The following FAT4 variants were observed in gnomAD, a reference collection of about 807,000 sequenced individuals.
FAT4 encodes protocadherin Fat 4.
Under a neutral mutation model 303.9 loss-of-function variants are expected in FAT4, and 84 were observed. The ratio of observed to expected loss-of-function variants is 0.28; its 90% CI spans 0.23 to 0.33. The LOEUF (loss-of-function observed/expected upper bound fraction) is 0.33, where lower values mean the gene tolerates loss of function less well. Ranked by LOEUF, FAT4 falls within the 10% of genes least tolerant of loss-of-function variation. The pLI, the probability that FAT4 is intolerant of heterozygous loss-of-function variation, is 1.00. For synonymous variants in FAT4, 2,307 were observed against 2,298.8 expected, an observed-to-expected ratio of 1.00 and a Z score of -0.10; for missense variants, 6,005 against 6,146.8, an observed-to-expected ratio of 0.98 and a Z score of 0.77.
At chr4:125,352,006 A>G (rs1732243748) in intron 2 of FAT4, among the ~76,000 whole-genome samples, 1 of 151,732 alleles carries the variant, frequency 6.6e-6, no homozygotes, top group South Asian at 2.1e-4. Context: ...TGGAATTTCA[A>G]TAAACAGTAG....
Position 125,316,668 on chromosome 4 carries a change from G to A in FAT4, c.257G>A (p.Ser86Asn). The A allele has an allele frequency of 1.2e-6, 2 of 1,613,610 alleles. No individual in the cohort carries two copies. The highest frequency in any genetic ancestry group is 1.7e-6 in the Non-Finnish European group (2 of 1,180,020). Residue 86 changes from serine (S) to asparagine (N), a missense_variant, in exon 2 of 18, where the codon AGC becomes AAC. Ser to Asn is a conservative substitution (Grantham distance 46). Transcript: ENST00000394329. The surrounding 1 kb of genome is among the most constrained non-coding windows in gnomAD (Gnocchi z 5.7). ...ESHALFAINS[S>N]TGALYTTSTI... Reference sequence around the variant, plus strand: ...CACGCCCTGTTTGCCATAAACAGTAGCACCGGAGCCCTGTACACCACCTCC... The same window carrying A: ...CACGCCCTGTTTGCCATAAACAGTAACACCGGAGCCCTGTACACCACCTCC...
intron 2 of FAT4, 119 bp from the exon 3 acceptor site, chr4:125,398,665 A>G (rs1734269888): frequency 2.2e-6 from 2 of 924,228 alleles, no homozygotes; most frequent in Admixed American, 4.3e-5. Context: ...TGGATGTTAG[A>G]TGCAAAGGTT....
intron 2 of FAT4, among the ~76,000 whole-genome samples, chr4:125,322,012 C>T (rs1369440295): frequency 6.6e-6 from 1 of 152,166 alleles, no homozygotes; most frequent in Non-Finnish European, 1.5e-5. Context: ...TGTACCATAG[C>T]TCTTCAGGAA....
chr4:125,340,415 G>C (rs1731741737), intron 2 of FAT4, among the ~76,000 whole-genome samples: 1 of 150,786 alleles, frequency 6.6e-6, no homozygotes, highest in East Asian at 2.0e-4. Flanking sequence ...ACGGAGCCTC[G>C]CTCTGTCGCC....
intron 7 of FAT4, among the ~76,000 whole-genome samples, chr4:125,427,623 A>T (rs1430265721): frequency 1.3e-5 from 2 of 152,114 alleles, no homozygotes; most frequent in Non-Finnish European, 2.9e-5. Context: ...CTAATATAGG[A>T]TGACTGAATT....
chr4:125,439,769 A>G (rs150060958), intron 8 of FAT4, among the ~76,000 whole-genome samples: 104 of 152,306 alleles, frequency 6.8e-4, no homozygotes, highest in Non-Finnish European at 1.2e-3. Flanking sequence ...GTAGATATCT[A>G]TATAAATGCT....
chr4:125,425,739 G>T (rs182291145), intron 7 of FAT4, among the ~76,000 whole-genome samples: 1 of 151,972 alleles, frequency 6.6e-6, no homozygotes, highest in Admixed American at 6.6e-5. Flanking sequence ...ATTAATCTGC[G>T]CACAAATTAA....
rs761187408 is a variant in FAT4, at chr4:125,491,438, A to G, written c.14622A>G (p.Gln4874=). 2 of 1,614,130 alleles carry G rather than the reference A, an allele frequency of 1.2e-6. No individual in the cohort carries two copies. Among genetic ancestry groups the G allele is most frequent in the South Asian group, 1.1e-5 (1 of 91,086 alleles). ...CTTCCAGAATGCCCAAATTATCTCAAGTCAATGAATCTGATGCAGATGATG... is the reference window on the plus strand; with the variant it reads ...CTTCCAGAATGCCCAAATTATCTCAGGTCAATGAATCTGATGCAGATGATG... ...VYTSRMPKLS[Q]VNESDADDED... Residue 4874 remains glutamine, a synonymous_variant, in exon 18 of 18, where the codon CAA becomes CAG. Transcript: ENST00000394329.
At position 125,479,882 on chromosome 4, in the gene FAT4, G is replaced by A. The variant is rs563419094; in HGVS notation, c.12604+17G>A. ...GTGAAAAATGTATGTAAGGTCTTCC[G>A]TCTTCCCCTGGAAATTTTAATAACT... On this transcript the variant is annotated intron_variant, in intron 15 of 17. Coordinates refer to ENST00000394329, the MANE Select transcript of FAT4 (RefSeq NM_001291303.3). 82 of 1,512,232 alleles carry A rather than the reference G, an allele frequency of 5.4e-5. No individual in the cohort carries two copies. The highest frequency in any genetic ancestry group is 1.5e-4 in the South Asian group (11 of 72,280). The allele number at this position is 1,512,232 out of a possible 1,614,324, so 93.7% of individuals were successfully genotyped here. A position where few individuals can be genotyped will look rare whatever the true frequency, so the allele number is the denominator to read the frequency against.
rs752555909 is a variant in FAT4 at position 125,489,956 on chromosome 4, C to A, written c.13140C>A (p.Phe4380Leu). ...SMWYGGESLP[F>L]SGKHSLASIS... ...GGTATGGTGGAGAAAGTCTTCCTTT[C>A]AGCGGGAAGCATAGCTTGGCCTCCA... is the stretch of plus-strand genomic sequence containing the variant. The change falls in exon 18 of 18, where the codon TTC (phenylalanine) becomes TTA (leucine). Residue 4380 changes from phenylalanine (F) to leucine (L), a missense_variant. Physicochemically the swap from Phe to Leu is conservative, Grantham distance 22. Coordinates refer to ENST00000394329, the MANE Select transcript of FAT4 (RefSeq NM_001291303.3). 6.3e-7 allele frequency: 1 copy of A among 1,580,744 alleles called. No homozygotes were observed. Among genetic ancestry groups the A allele is most frequent in the Non-Finnish European group, 8.6e-7 (1 of 1,164,210 alleles).
chr4:125,320,809 C>T lies in FAT4; in HGVS notation c.4398C>T (p.Gly1466=), dbSNP rs747319060. The part of the protein sequence containing the change: ...SYTIIQQMPR[G]NHFTIDEVKG... ...CAATCATTCAACAGATGCCAAGAGG[C>T]AACCACTTTACCATAGATGAAGTCA... The change falls in exon 2 of 18, where the codon GGC becomes GGT. Residue 1466 remains glycine, a synonymous_variant. Coordinates refer to ENST00000394329, the MANE Select transcript of FAT4 (RefSeq NM_001291303.3). The T allele has an allele frequency of 1.6e-5, 26 of 1,614,014 alleles. No homozygotes were observed. The highest frequency in any genetic ancestry group is 1.9e-5 in the Non-Finnish European group (23 of 1,179,862).
chr4:125,422,298 G>T (rs555604437), intron 7 of FAT4, among the ~76,000 whole-genome samples: 1 of 152,138 alleles, frequency 6.6e-6, no homozygotes, highest in African/African-American at 2.4e-5. Flanking sequence ...CTAATTTAAT[G>T]CACTTTATAA....
intron 2 of FAT4, among the ~76,000 whole-genome samples, chr4:125,373,262 A>C (rs1311523756): frequency 6.6e-6 from 1 of 152,104 alleles, no homozygotes; most frequent in African/African-American, 2.4e-5. Flanking sequence ...TCAAATCAGA[A>C]TTGCCATGAT....
chr4:125,396,926 GTATATATATATATATATATATA>G (rs66744105), intron 2 of FAT4, among the ~76,000 whole-genome samples: 1 of 143,912 alleles, frequency 6.9e-6, no homozygotes, highest in East Asian at 2.0e-4. Context: ...ATGTGTGTGT[GTATATATATATATATATATATA>G]TATATATATA....
intron 2 of FAT4, among the ~76,000 whole-genome samples, chr4:125,331,457 A>G (rs1731378850): frequency 1.3e-5 from 2 of 152,228 alleles, no homozygotes; most frequent in South Asian, 4.1e-4. Context: ...GTTTTCCTTC[A>G]TAAAAAGATA....
intron 8 of FAT4, among the ~76,000 whole-genome samples, chr4:125,440,610 T>TGTGTGTGTGTGAGAGAGAGAGA (rs372756130): frequency 5.3e-5 from 4 of 75,748 alleles, no homozygotes; most frequent in African/African-American, 1.2e-4. Context: ...TGTGTGTGTG[T>TGTGTGTGTGTGAGAGAGAGAGA]GAGAGAGAGA....
At position 125,449,676 on chromosome 4, in the gene FAT4, T is replaced by C. The variant is rs556173799; in HGVS notation, c.8666T>C (p.Ile2889Thr). Residue 2889 changes from isoleucine to threonine, a missense_variant, in exon 10 of 18, where the codon ATT becomes ACT. Physicochemically the swap from Ile to Thr is moderately conservative, Grantham distance 89 (BLOSUM62 -1). Coordinates refer to ENST00000394329, the MANE Select transcript of FAT4 (RefSeq NM_001291303.3). ...TTAGATTGCCCTGAACTTACTGAGA[T>C]TGGCTCCAAAGTAACTCAGGTATTT... Reference protein sequence around the residue: ...YYLDCPELTEIGSKVTQVFAT... With the variant: ...YYLDCPELTETGSKVTQVFAT... 1.9e-6 allele frequency: 3 copies of C among 1,613,984 alleles called. No individual in the cohort carries two copies. Among genetic ancestry groups the C allele is most frequent in the East Asian group, 2.2e-5 (1 of 44,860 alleles).
intron 2 of FAT4, among the ~76,000 whole-genome samples, chr4:125,391,668 G>T (rs1435498078): frequency 6.6e-6 from 1 of 151,762 alleles, no homozygotes; most frequent in South Asian, 2.1e-4. Context: ...TGTTTTAAAA[G>T]AAAAAAATAG....
intron 5 of FAT4, among the ~76,000 whole-genome samples, chr4:125,414,441 GTATT>G (rs768782318): frequency 1.3e-5 from 2 of 152,082 alleles, no homozygotes; most frequent in Non-Finnish European, 2.9e-5. Flanking sequence ...GAATTAATAA[GTATT>G]TATTGATTTT....
Sources: gnomAD v4.1 joint callset for allele counts (sites outside exome capture counted in the v4.1 genomes callset) on GRCh38, gnomAD v4.1.1 for gene constraint, Gnocchi (gnomAD v3.1) non-coding constraint, MANE v1.5 for transcripts, NCBI Gene and HGNC (gene_info 2026-07-23, HGNC 2026-07-21) for gene names.